The following FAM13C variants were observed in gnomAD, a reference collection of about 807,000 sequenced individuals.
The protein encoded by FAM13C is protein FAM13C.
Under a neutral mutation model 73.2 loss-of-function variants are expected in FAM13C, and 37 were observed. That is an observed-to-expected ratio of 0.51 (90% confidence interval 0.39 to 0.67). The LOEUF is 0.67. Ranked by LOEUF, FAM13C falls within the 30% of genes least tolerant of loss-of-function variation. The pLI, the probability that FAM13C is intolerant of heterozygous loss-of-function variation, is 0.00. For synonymous variants in FAM13C, 246 were observed against 260.9 expected, an observed-to-expected ratio of 0.94 and a Z score of 0.55; for missense variants, 589 against 715.6, an observed-to-expected ratio of 0.82 and a Z score of 2.02.
At chr10:59,337,567 A>G (rs1852877126) in intron 3 of FAM13C, among the ~76,000 whole-genome samples, 1 of 152,152 alleles carries the variant, frequency 6.6e-6, no homozygotes, top group Non-Finnish European at 1.5e-5. Context: ...GTACAAAACA[A>G]TACATTCTGA....
rs73300120 is a variant in FAM13C at position 59,283,156 on chromosome 10, C to A, written c.592+207G>T. ...CCATTTGTGTAAGTGTGACTCTTGG[C>A]CGCATCTAGACAGGTCTATGTTATA... On this transcript the variant is annotated intron_variant, in intron 6 of 13. Transcript: ENST00000618804. Among the ~76,000 whole-genome samples the A allele has an allele frequency of 9.5e-3, 1,440 of 152,298 alleles. 24 individuals carry two copies. Among genetic ancestry groups the A allele is most frequent in the African/African-American group, 0.033 (1,365 of 41,558 alleles).
chr10:59,332,457 A>G (rs1282161193), intron 3 of FAM13C, among the ~76,000 whole-genome samples: 1 of 152,182 alleles, frequency 6.6e-6, no homozygotes, highest in African/African-American at 2.4e-5. Context: ...GAAAATGCAG[A>G]GTGGGTTGTC....
intron 4 of FAM13C, among the ~76,000 whole-genome samples, chr10:59,322,111 A>C (rs1039956552): frequency 6.6e-6 from 1 of 152,190 alleles, no homozygotes; most frequent in Non-Finnish European, 1.5e-5. Flanking sequence ...GGTTATCAGG[A>C]ATGTGAGCTA....
intron 6 of FAM13C, among the ~76,000 whole-genome samples, chr10:59,279,518 G>A (rs1365391702): frequency 2.0e-5 from 3 of 152,152 alleles, no homozygotes; most frequent in Non-Finnish European, 4.4e-5. Context: ...TTAGTAATAG[G>A]TGTGCAGTTA....
chr10:59,304,531 C>A (rs1180011452), intron 4 of FAM13C, among the ~76,000 whole-genome samples: 3 of 151,684 alleles, frequency 2.0e-5, no homozygotes, highest in Admixed American at 6.6e-5. Flanking sequence ...TAAGTGGGAG[C>A]TAAATGATGA....
In FAM13C at chr10:59,265,327, G is replaced by GAGC. The variant is rs1386249965; in HGVS notation, c.943-1162_943-1161insGCT. On this transcript the variant is annotated intron_variant, in intron 8 of 13. Coordinates refer to ENST00000618804, the MANE Select transcript of FAM13C (RefSeq NM_198215.4). ...GGATAGGGAAGGGGTTTTGGCGGGG[G>GAGC]GGGGGGGGAATCCTGGTTTCAGGAC... Among the ~76,000 whole-genome samples the GAGC allele has an allele frequency of 7.8e-3, 353 of 45,072 alleles. 82 individuals carry two copies. Among genetic ancestry groups the GAGC allele is most frequent in the African/African-American group, 0.035 (344 of 9,840 alleles). 29.6% of individuals were successfully genotyped at this position (45,072 alleles called of 152,430 possible). A position where few individuals can be genotyped will look rare whatever the true frequency, so the allele number is the denominator to read the frequency against.
At chr10:59,272,644 A>G (rs542268850) in intron 6 of FAM13C, among the ~76,000 whole-genome samples, 1 of 152,304 alleles carries the variant, frequency 6.6e-6, no homozygotes, top group South Asian at 2.1e-4. Flanking sequence ...TTTAGAGGAA[A>G]GGGTCTGGGA....
intron 6 of FAM13C, among the ~76,000 whole-genome samples, chr10:59,281,897 C>G (rs191916368): frequency 2.0e-5 from 3 of 152,322 alleles, no homozygotes; most frequent in Non-Finnish European, 4.4e-5. Flanking sequence ...TTAACTTGTA[C>G]TTGGCTTGAG....
intron 3 of FAM13C, among the ~76,000 whole-genome samples, chr10:59,328,434 T>C (rs891999867): frequency 9.9e-5 from 15 of 152,212 alleles, no homozygotes; most frequent in African/African-American, 3.6e-4. Flanking sequence ...GGCATGGCCA[T>C]TGCTTCAGGC....
chr10:59,262,531 C>A lies in FAM13C; in HGVS notation c.1139G>T (p.Gly380Val). 1 of 1,613,786 alleles carries A rather than the reference C, an allele frequency of 6.2e-7. No homozygotes were observed. Among genetic ancestry groups the A allele is most frequent in the Non-Finnish European group, 8.5e-7 (1 of 1,179,788 alleles). ...TTCTCCAGAGGAGCTTGGCTCCGGG[C>A]CCGCAGCTTCCGGTTTCCCATTTTC... ...PRENGKPEAA[G>V]PEPSSSGEET... Residue 380 changes from glycine to valine, a missense_variant, in exon 10 of 14, where the codon GGC becomes GTC. Coordinates refer to ENST00000618804, the MANE Select transcript of FAM13C (RefSeq NM_198215.4).
At chr10:59,276,089 G>A (rs946765442) in intron 6 of FAM13C, among the ~76,000 whole-genome samples, 9 of 152,172 alleles carry the variant, frequency 5.9e-5, no homozygotes, top group Non-Finnish European at 7.3e-5. Flanking sequence ...GTTTAGCACA[G>A]TACAGATTTT....
At chr10:59,278,444 A>C (rs1002731477) in intron 6 of FAM13C, among the ~76,000 whole-genome samples, 2 of 152,218 alleles carry the variant, frequency 1.3e-5, no homozygotes, top group Non-Finnish European at 2.9e-5. Context: ...TTATTCACTT[A>C]AGAGCTTTTA....
At chr10:59,262,681 G>C in intron 9 of FAM13C, 36 bp from the exon 10 acceptor site, 1 of 1,550,754 alleles carries the variant, frequency 6.4e-7, no homozygotes, top group Non-Finnish European at 8.9e-7. Flanking sequence ...TAAGCAAAGA[G>C]AACCCACTAG....
intron 11 of FAM13C, 164 bp downstream of exon 11, chr10:59,254,184 A>C (rs1293028463): frequency 2.4e-6 from 1 of 414,468 alleles, no homozygotes; most frequent in African/African-American, 2.0e-5. Flanking sequence ...TAAATATAGT[A>C]ATGGGGTTAG....
At chr10:59,254,957 AG>A (rs1389704570) in intron 10 of FAM13C, among the ~76,000 whole-genome samples, 1 of 152,152 alleles carries the variant, frequency 6.6e-6, no homozygotes, top group African/African-American at 2.4e-5. Context: ...AGTTTCTTAA[AG>A]GATACGTCCA....
chr10:59,263,882 T>C (rs1392018979), intron 9 of FAM13C: 1 of 555,846 alleles, frequency 1.8e-6, no homozygotes, highest in African/African-American at 1.9e-5. Flanking sequence ...AGGTCCTCAG[T>C]TTCTTTGTAA....
chr10:59,316,290 A>G (rs1589580328), intron 4 of FAM13C, among the ~76,000 whole-genome samples: 1 of 152,118 alleles, frequency 6.6e-6, no homozygotes, highest in African/African-American at 2.4e-5. Context: ...TCCAAATCCT[A>G]TGCCTAGACA....
intron 4 of FAM13C, among the ~76,000 whole-genome samples, chr10:59,307,406 C>A (rs1221072493): frequency 1.3e-5 from 2 of 152,196 alleles, no homozygotes; most frequent in East Asian, 3.9e-4. Flanking sequence ...AGAATGACTT[C>A]AATTCACCAG....
At chr10:59,294,949 G>A (rs1846717864) in intron 5 of FAM13C, among the ~76,000 whole-genome samples, 1 of 152,182 alleles carries the variant, frequency 6.6e-6, no homozygotes, top group Non-Finnish European at 1.5e-5. Flanking sequence ...ACATTATGCA[G>A]CATCTAATTA....
Sources: gnomAD v4.1 joint callset for allele counts (sites outside exome capture counted in the v4.1 genomes callset) on GRCh38, gnomAD v4.1.1 for gene constraint, MANE v1.5 for transcripts, NCBI Gene and HGNC (gene_info 2026-07-23, HGNC 2026-07-21) for gene names.